NADK2: variants seen among roughly 807,000 people sequenced by gnomAD.
The protein encoded by NADK2 is NAD kinase 2, mitochondrial, also known as NAD kinase domain-containing protein 1, mitochondrial.
Under a neutral mutation model 62.1 loss-of-function variants are expected in NADK2, and 35 were observed. The ratio of observed to expected loss-of-function variants is 0.56; its 90% CI spans 0.43 to 0.75. The LOEUF (loss-of-function observed/expected upper bound fraction) is 0.75. NADK2 is among the 30% of genes least tolerant of loss of function. The pLI, the probability that NADK2 is intolerant of heterozygous loss-of-function variation, is 0.00. For missense variants in NADK2, 439 were observed against 561.3 expected (o/e 0.78, Z 2.20); for synonymous variants, 205 against 207.9 (o/e 0.99, Z 0.12).
At chr5:36,210,833 A>T (rs914037111) in intron 7 of NADK2, among the ~76,000 whole-genome samples, 7 of 152,238 alleles carry the variant, frequency 4.6e-5, no homozygotes, top group Admixed American at 3.9e-4. Flanking sequence ...TATCAACTGC[A>T]AATTTATACT....
chr5:36,201,131 C>T lies in NADK2; in HGVS notation c.987G>A (p.Gln329=), dbSNP rs1746430911. The part of the protein sequence containing the change: ...WSFNINRVAT[Q]AVEDVLNIAK... ...CAATATTTAAAACATCTTCTACAGCCTGAGTTGCAACCCTGTTAATATTGA... is the reference window on the plus strand; with the variant it reads ...CAATATTTAAAACATCTTCTACAGCTTGAGTTGCAACCCTGTTAATATTGA... Residue 329 remains glutamine, a synonymous_variant, in exon 9 of 12, where the codon CAG becomes CAA. Transcript: ENST00000381937. The T allele has an allele frequency of 6.2e-7, 1 of 1,612,396 alleles. No homozygotes were observed. The highest frequency in any genetic ancestry group is 1.3e-5 in the African/African-American group (1 of 74,786).
chr5:36,220,275 GA>G (rs897772715), intron 4 of NADK2, among the ~76,000 whole-genome samples: 1 of 152,154 alleles, frequency 6.6e-6, no homozygotes, highest in Non-Finnish European at 1.5e-5. Flanking sequence ...CATAAATAAT[GA>G]AACTCCTTTA....
intron 5 of NADK2, 69 bp from the exon 6 acceptor site, chr5:36,217,953 T>A: frequency 7.1e-7 from 1 of 1,405,542 alleles, no homozygotes; most frequent in Non-Finnish European, 9.7e-7. Flanking sequence ...ATTATAATAA[T>A]TTAACCAAAT....
At chr5:36,226,155 A>T (rs1316961821) in intron 3 of NADK2, among the ~76,000 whole-genome samples, 1 of 152,208 alleles carries the variant, frequency 6.6e-6, no homozygotes, top group East Asian at 1.9e-4. Flanking sequence ...AATTTACCTC[A>T]TCTCATTAAA....
At chr5:36,220,146 A>G (rs1747210762) in intron 4 of NADK2, among the ~76,000 whole-genome samples, 1 of 152,216 alleles carries the variant, frequency 6.6e-6, no homozygotes, top group Non-Finnish European at 1.5e-5. Flanking sequence ...GAATCAAAAT[A>G]TTTATGTGAA....
intron 1 of NADK2, among the ~76,000 whole-genome samples, chr5:36,238,151 G>GCAAAAGTATACCACCTGA (rs1747976983): frequency 1.3e-5 from 2 of 152,124 alleles, no homozygotes; most frequent in African/African-American, 4.8e-5. Context: ...ATACAATGTA[G>GCAAAAGTATACCACCTGA]CAAAAGTATA....
chr5:36,196,258 A>G (rs1218410838), intron 11 of NADK2, among the ~76,000 whole-genome samples: 1 of 152,208 alleles, frequency 6.6e-6, no homozygotes, highest in Non-Finnish European at 1.5e-5. Context: ...TTCCTAACAG[A>G]AATTTAGGAA....
intron 1 of NADK2, among the ~76,000 whole-genome samples, chr5:36,228,208 T>C (rs1401354794): frequency 2.6e-5 from 4 of 152,184 alleles, no homozygotes; most frequent in Non-Finnish European, 5.9e-5. Flanking sequence ...TGGAGTAACA[T>C]TTTATAACTA....
intron 1 of NADK2, among the ~76,000 whole-genome samples, chr5:36,231,361 C>T (rs1169589821): frequency 6.6e-6 from 1 of 152,208 alleles, no homozygotes; most frequent in Admixed American, 6.5e-5. Flanking sequence ...GAATACTTAA[C>T]ATTGAAGCAG....
intron 1 of NADK2, among the ~76,000 whole-genome samples, chr5:36,230,019 C>T (rs577669675): frequency 1.3e-5 from 2 of 151,850 alleles, no homozygotes; most frequent in Non-Finnish European, 1.5e-5. Context: ...TGATCTCACA[C>T]GTGAACCACT....
chr5:36,207,924 A>C (rs1427166741), intron 7 of NADK2, among the ~76,000 whole-genome samples: 15 of 152,112 alleles, frequency 9.9e-5, no homozygotes, highest in African/African-American at 3.6e-4. Context: ...GCACCAGCAA[A>C]AATGGCACTA....
chr5:36,237,780 A>G lies in NADK2; in HGVS notation c.300+3719T>C, dbSNP rs147482544. 5.3e-5 allele frequency among the ~76,000 whole-genome samples: 8 copies of G among 152,338 alleles called. No individual in the cohort carries two copies. In the East Asian group the frequency reaches 1.5e-3, roughly 29 times the overall value. ...GTGTTTCTCAGTTTAACTGGGGACC[A>G]CATGCCAACCAGGGATAAAACACAT... On this transcript the variant is annotated intron_variant, in intron 1 of 11. Transcript: ENST00000381937.
chr5:36,215,348 G>T (rs74916502), intron 6 of NADK2, among the ~76,000 whole-genome samples: 2 of 152,118 alleles, frequency 1.3e-5, no homozygotes, highest in Non-Finnish European at 2.9e-5. Context: ...TGGAGAACAG[G>T]TAATATTTTG....
rs10551356 is a variant in NADK2 at position 36,234,372 on chromosome 5, CAAAAAAAAAAAAA to C, written c.301-6820_301-6808del. Among the ~76,000 whole-genome samples, 1,774 of 77,290 alleles carry C rather than the reference CAAAAAAAAAAAAA, an allele frequency of 0.023. 169 individuals carry two copies. In the East Asian group the frequency reaches 0.29, roughly 13 times the overall value. 50.7% of individuals were successfully genotyped at this position (77,290 alleles called of 152,430 possible). On this transcript the variant is annotated intron_variant, in intron 1 of 11. Coordinates refer to ENST00000381937, the MANE Select transcript of NADK2 (RefSeq NM_001085411.3). ...TGGGCGACAGAGCGAAACTCCGTCT[CAAAAAAAAAAAAA>C]AAAAAAAAAAATGAATTAACACGTA...
rs70973095 is a variant in NADK2, at chr5:36,205,323, G to GTT, written c.956+1846_956+1847insAA. On this transcript the variant is annotated intron_variant, in intron 8 of 11. Coordinates refer to ENST00000381937, the MANE Select transcript of NADK2 (RefSeq NM_001085411.3). This position sits in a 1 kb window ranked among gnomAD's most constrained non-coding sequence, Gnocchi z 4.1. ...GTGTTAAGGATTTGCTAAAGAGAATGACATTTCAAGACTGGATTTTCAGAC... is the reference window on the plus strand; with the variant it reads ...GTGTTAAGGATTTGCTAAAGAGAATGTTACATTTCAAGACTGGATTTTCAGAC... Among the ~76,000 whole-genome samples the GTT allele has an allele frequency of 0.49, 74,043 of 151,660 alleles. 19,153 individuals are homozygous for GTT. The highest frequency in any genetic ancestry group is 0.58 in the Non-Finnish European group (39,109 of 67,814).
intron 10 of NADK2, among the ~76,000 whole-genome samples, chr5:36,198,143 T>C (rs947833660): frequency 6.6e-6 from 1 of 151,988 alleles, no homozygotes; most frequent in Non-Finnish European, 1.5e-5. Context: ...TACACCCCCA[T>C]TACTCAACAT....
At position 36,241,423 on chromosome 5, in the gene NADK2, TC is replaced by T; in HGVS notation, c.300+75del. On this transcript the variant is annotated intron_variant, in intron 1 of 11. Coordinates refer to ENST00000381937, the MANE Select transcript of NADK2 (RefSeq NM_001085411.3). The surrounding 1 kb of genome is among the most constrained non-coding windows in gnomAD (Gnocchi z 4.9). Reference sequence around the variant, plus strand: ...CCCTGGGAAGAGTCGTCCCGAGAGGTCCCCCCGAGGGGGCGCAGCCGCCACC... The same window carrying T: ...CCCTGGGAAGAGTCGTCCCGAGAGGTCCCCCGAGGGGGCGCAGCCGCCACC... The T allele has an allele frequency of 4.9e-6, 7 of 1,428,294 alleles. No homozygotes were observed. The highest frequency in any genetic ancestry group is 3.0e-5 in the East Asian group (1 of 33,348). The allele number at this position is 1,428,294 out of a possible 1,614,324, so 88.5% of individuals were successfully genotyped here.
chr5:36,234,145 C>T (rs1198017582), intron 1 of NADK2, among the ~76,000 whole-genome samples: 3 of 151,764 alleles, frequency 2.0e-5, no homozygotes, highest in Admixed American at 6.6e-5. Flanking sequence ...GAGGCCGAGA[C>T]GGGCGGATCA....
intron 1 of NADK2, among the ~76,000 whole-genome samples, chr5:36,233,198 T>C (rs1451502370): frequency 6.6e-6 from 1 of 152,172 alleles, no homozygotes; most frequent in African/African-American, 2.4e-5. Context: ...ATGCAAAAGC[T>C]TGCCTCCAGA....
Sources: gnomAD v4.1 joint callset for allele counts (sites outside exome capture counted in the v4.1 genomes callset) on GRCh38, gnomAD v4.1.1 for gene constraint, Gnocchi (gnomAD v3.1) non-coding constraint, MANE v1.5 for transcripts, NCBI Gene and HGNC (gene_info 2026-07-23, HGNC 2026-07-21) for gene names.